The following GLIS3 variants were observed in gnomAD, a reference collection of about 807,000 sequenced individuals.
The protein encoded by GLIS3 is zinc finger protein GLIS3.
A neutral mutation model predicts 78.6 loss-of-function variants in GLIS3; 53 were observed. That is an observed-to-expected ratio of 0.67 (90% CI 0.54 to 0.85). GLIS3 has a LOEUF of 0.85. Among genes scored for constraint, GLIS3 ranks in the 40% least tolerant of loss-of-function variants. The probability of loss-of-function intolerance (pLI) is 0.00; values close to 1 mark genes in which losing one functional copy is unlikely to be tolerated. For synonymous variants in GLIS3, 684 were observed against 509.9 expected (o/e 1.34, Z -4.60); for missense variants, 1,703 against 1,231.1 (o/e 1.38, Z -5.74).
At chr9:4,458,125 C>T in the GLIS3 span, among the ~76,000 whole-genome samples, 17 of 152,184 alleles carry the variant, frequency 1.1e-4, no homozygotes, top group African/African-American at 3.6e-4. Flanking sequence ...ATCTTCCCTA[C>T]CTGATCTCTG....
In GLIS3 at chr9:4,266,680, G is replaced by A. The variant is rs999038842; in HGVS notation, c.388+19358C>T. Among the ~76,000 whole-genome samples the A allele has an allele frequency of 6.3e-4, 96 of 151,872 alleles. 1 individual carries two copies. The highest frequency in any genetic ancestry group is 2.0e-3 in the Admixed American group (31 of 15,252). On this transcript the variant is annotated intron_variant, in intron 2 of 10. Transcript: ENST00000381971. ...TGGACTGTGTACAGAATGAATGACAGCCACTATGATAATGATACATAGTTA... is the reference window on the plus strand; with the variant it reads ...TGGACTGTGTACAGAATGAATGACAACCACTATGATAATGATACATAGTTA...
chr9:4,126,361 A>T lies in GLIS3; in HGVS notation c.389-420T>A, dbSNP rs573235518. The stretch of plus-strand genomic sequence containing the variant: ...TGGAAAAAACCTGTTTAACTGGTTT[A>T]CTTCATTCCAAATCTGTACTTCCAA... On this transcript the variant is annotated intron_variant, in intron 2 of 10. Coordinates refer to ENST00000381971, the MANE Select transcript of GLIS3 (RefSeq NM_001042413.2). Among the ~76,000 whole-genome samples the T allele has an allele frequency of 2.6e-5, 4 of 152,334 alleles. No homozygotes were observed. In the South Asian group the frequency reaches 8.3e-4, roughly 32 times the overall value.
intron 2 of GLIS3, among the ~76,000 whole-genome samples, chr9:4,256,681 T>A (rs1471191072): frequency 6.6e-6 from 1 of 152,192 alleles, no homozygotes; most frequent in Non-Finnish European, 1.5e-5. Flanking sequence ...TTCACTTTAT[T>A]GTAGACAAAA....
intron 4 of GLIS3, among the ~76,000 whole-genome samples, chr9:4,054,891 T>C (rs1826020083): frequency 6.6e-6 from 1 of 152,202 alleles, no homozygotes; most frequent in South Asian, 2.1e-4. Context: ...AGATTCCATT[T>C]GTTAAAAGGA....
At chr9:4,314,895 A>G (rs757327841) in intron 2 of GLIS3, among the ~76,000 whole-genome samples, 1 of 152,220 alleles carries the variant, frequency 6.6e-6, no homozygotes, top group Non-Finnish European at 1.5e-5. Flanking sequence ...TGTTAGCTCT[A>G]TTCCTTTGGG....
intron 2 of GLIS3, among the ~76,000 whole-genome samples, chr9:4,251,566 T>G (rs1457354005): frequency 6.6e-6 from 1 of 152,194 alleles, no homozygotes; most frequent in Non-Finnish European, 1.5e-5. Flanking sequence ...TTTACCCAAT[T>G]TGCCAATCTG....
At chr9:3,870,911 G>A (rs559107762) in intron 8 of GLIS3, among the ~76,000 whole-genome samples, 18 of 152,282 alleles carry the variant, frequency 1.2e-4, no homozygotes, top group South Asian at 2.1e-4. Context: ...AAAGTCCACC[G>A]TCCAAAGTCT....
chr9:4,477,447 C>T, the GLIS3 span, among the ~76,000 whole-genome samples: 4 of 150,730 alleles, frequency 2.7e-5, no homozygotes, highest in Non-Finnish European at 4.5e-5. Flanking sequence ...AGGGGTCTCT[C>T]TTTGTCACCC....
chr9:4,389,567 G>C, the GLIS3 span, among the ~76,000 whole-genome samples: 2 of 152,144 alleles, frequency 1.3e-5, no homozygotes, highest in African/African-American at 4.8e-5. Context: ...TAAAAATTTA[G>C]AGTTCAATAG....
chr9:4,104,978 A>C (rs1215141590), intron 4 of GLIS3, among the ~76,000 whole-genome samples: 1 of 152,216 alleles, frequency 6.6e-6, no homozygotes, highest in African/African-American at 2.4e-5. Flanking sequence ...TGAAAGTCAC[A>C]TTTGGAGACC....
At chr9:4,178,257 C>A (rs561496619) in intron 2 of GLIS3, among the ~76,000 whole-genome samples, 1 of 151,678 alleles carries the variant, frequency 6.6e-6, no homozygotes, top group Non-Finnish European at 1.5e-5. Flanking sequence ...AATTTCTGCC[C>A]CCACAATTTA....
At chr9:4,291,294 G>C (rs1815953772) in intron 1 of GLIS3, among the ~76,000 whole-genome samples, 1 of 152,094 alleles carries the variant, frequency 6.6e-6, no homozygotes, top group African/African-American at 2.4e-5. Flanking sequence ...GTCCTCTGCA[G>C]GGATTCTTCA....
chr9:4,362,010 CT>C, the GLIS3 span, among the ~76,000 whole-genome samples: 1 of 152,156 alleles, frequency 6.6e-6, no homozygotes, highest in African/African-American at 2.4e-5. Context: ...AATTGATATC[CT>C]TTCCCTAGAT....
At chr9:3,865,845 T>G (rs1820539409) in intron 8 of GLIS3, among the ~76,000 whole-genome samples, 1 of 152,206 alleles carries the variant, frequency 6.6e-6, no homozygotes, top group Non-Finnish European at 1.5e-5. Context: ...TAATAGTTGG[T>G]TTTTGATATG....
chr9:4,163,997 G>C (rs939533116), intron 2 of GLIS3, among the ~76,000 whole-genome samples: 1 of 152,196 alleles, frequency 6.6e-6, no homozygotes, highest in Admixed American at 6.5e-5. Context: ...TCCTTCATAA[G>C]AATTAACTTT....
intron 6 of GLIS3, among the ~76,000 whole-genome samples, chr9:3,923,031 C>T (rs1228648931): frequency 6.6e-6 from 1 of 152,160 alleles, no homozygotes; most frequent in East Asian, 1.9e-4. Context: ...CCAAGTCTCT[C>T]ATGATAGCAT....
At chr9:4,399,121 A>G in the GLIS3 span, among the ~76,000 whole-genome samples, 1 of 152,218 alleles carries the variant, frequency 6.6e-6, no homozygotes, top group Non-Finnish European at 1.5e-5. Flanking sequence ...ATTATAGTTA[A>G]CACTAATATG....
intron 4 of GLIS3, among the ~76,000 whole-genome samples, chr9:4,072,088 T>C (rs1273436241): frequency 1.1e-4 from 17 of 152,354 alleles, no homozygotes; most frequent in Admixed American, 9.1e-4. Context: ...CAGGCAAAGC[T>C]GTGCAGGGAT....
intron 2 of GLIS3, among the ~76,000 whole-genome samples, chr9:4,217,175 A>T (rs1820928766): frequency 6.6e-6 from 1 of 152,172 alleles, no homozygotes; most frequent in South Asian, 2.1e-4. Context: ...CAACATAGTC[A>T]TGAACCCAAA....
Sources: gnomAD v4.1 joint callset for allele counts (sites outside exome capture counted in the v4.1 genomes callset) on GRCh38, gnomAD v4.1.1 for gene constraint, MANE v1.5 for transcripts, NCBI Gene and HGNC (gene_info 2026-07-23, HGNC 2026-07-21) for gene names.